TSPAN32: variants seen among roughly 807,000 people sequenced by gnomAD.
TSPAN32 encodes tetraspanin-32.
In TSPAN32, 47 loss-of-function variants were observed where a neutral mutation model predicts 42.7. The ratio of observed to expected loss-of-function variants is 1.10; its 90% CI spans 0.87 to 1.40. The LOEUF is 1.40. Among genes scored for constraint, TSPAN32 ranks in the 40% most tolerant of loss-of-function variants. TSPAN32 has a pLI of 0.00. For synonymous variants in TSPAN32, 175 were observed against 175.9 expected, an observed-to-expected ratio of 0.99 and a Z score of 0.04; for missense variants, 469 against 424.1, an observed-to-expected ratio of 1.11 and a Z score of -0.93.
chr11:2,308,243 G>A (rs959993985), intron 3 of TSPAN32, among the ~76,000 whole-genome samples: 3 of 152,102 alleles, frequency 2.0e-5, no homozygotes, highest in Non-Finnish European at 4.4e-5. Context: ...CAGCGCCCAC[G>A]CTCTCCCCAG....
Position 2,308,806 on chromosome 11 carries a change from C to G in TSPAN32, c.350C>G (p.Thr117Ser). The G allele has an allele frequency of 6.4e-7, 1 of 1,564,772 alleles. No homozygotes were observed. Residue 117 changes from threonine (T) to serine (S), a missense_variant, in exon 4 of 10, where the codon ACC (threonine) becomes AGC (serine). By Grantham distance (58) the Thr-to-Ser change is moderately conservative. Transcript: ENST00000182290. Reference protein sequence around the residue: ...QVVFWRLHSPTQVEDAMLDTY... With the variant: ...QVVFWRLHSPSQVEDAMLDTY... ...GTGTTCTGGAGACTCCACAGCCCCA[C>G]CCAGGTGAGCACCAGCTGCCCCTAC...
chr11:2,313,993 A>G lies in TSPAN32; in HGVS notation c.456+238A>G, dbSNP rs1848630837. On this transcript the variant is annotated intron_variant, in intron 5 of 9. Transcript: ENST00000182290. This position sits in a 1 kb window ranked among gnomAD's most constrained non-coding sequence, Gnocchi z 9.1. Reference sequence around the variant, plus strand: ...GCAAAACGAGAGGGCAGGGCCCTGTATTCAGAAACACTGAAGGATTTCAAG... The same window carrying G: ...GCAAAACGAGAGGGCAGGGCCCTGTGTTCAGAAACACTGAAGGATTTCAAG... 6.6e-6 allele frequency among the ~76,000 whole-genome samples: 1 copy of G among 152,060 alleles called. No homozygotes were observed. Among genetic ancestry groups the G allele is most frequent in the African/African-American group, 2.4e-5 (1 of 41,400 alleles).
chr11:2,312,630 G>A (rs2283146), intron 4 of TSPAN32, among the ~76,000 whole-genome samples: 21,132 of 152,214 alleles, frequency 0.14, 2,272 homozygotes, highest in East Asian at 0.55. Flanking sequence ...CCAGTTGGCC[G>A]CTGTCAGGGC....
At chr11:2,308,416 C>T (rs1328166976) in intron 3 of TSPAN32, among the ~76,000 whole-genome samples, 2 of 118,758 alleles carry the variant, frequency 1.7e-5, no homozygotes, top group Non-Finnish European at 3.6e-5. Flanking sequence ...CACCCCCCCA[C>T]AGTGACCGGC....
At chr11:2,309,190 G>C in intron 4 of TSPAN32, 1 of 392,400 alleles carries the variant, frequency 2.5e-6, no homozygotes, top group South Asian at 1.9e-5. Flanking sequence ...AGAAGGAGCA[G>C]AGTGTTCCAG....
intron 2 of TSPAN32, 126 bp downstream of exon 2, chr11:2,303,084 AG>A: frequency 1.3e-6 from 1 of 784,528 alleles, no homozygotes; most frequent in Non-Finnish European, 2.0e-6. Flanking sequence ...AGAGGTGGTC[AG>A]GGGCAGGGAG....
At position 2,313,612 on chromosome 11, in the gene TSPAN32, C is replaced by G. The variant is rs1469710194; in HGVS notation, c.355-42C>G. The G allele has an allele frequency of 6.6e-7, 1 of 1,515,690 alleles. No homozygotes were observed. Among genetic ancestry groups the G allele is most frequent in the Non-Finnish European group, 9.0e-7 (1 of 1,112,300 alleles). 93.9% of individuals were successfully genotyped at this position (1,515,690 alleles called of 1,614,324 possible). The stretch of plus-strand genomic sequence containing the variant: ...TGGGGAGGGGGCTGTGTCCCCGGAT[C>G]TCCCACCAGGGCCAGGACCTCCCTG... On this transcript the variant is annotated intron_variant, in intron 4 of 9. Transcript: ENST00000182290. This position sits in a 1 kb window ranked among gnomAD's most constrained non-coding sequence, Gnocchi z 9.1.
At chr11:2,311,339 G>A (rs534846383) in intron 4 of TSPAN32, among the ~76,000 whole-genome samples, 30 of 152,288 alleles carry the variant, frequency 2.0e-4, no homozygotes, top group African/African-American at 6.5e-4. Context: ...GGCGTGGACC[G>A]GGCTTCAGGG....
chr11:2,310,875 C>A (rs917650194), intron 4 of TSPAN32, among the ~76,000 whole-genome samples: 1 of 152,260 alleles, frequency 6.6e-6, no homozygotes, highest in Non-Finnish European at 1.5e-5. Flanking sequence ...GGGCCCTGAG[C>A]AGGAGGGGCG....
chr11:2,304,865 C>G lies in TSPAN32; in HGVS notation c.279+661C>G, dbSNP rs565602354. Among the ~76,000 whole-genome samples the G allele has an allele frequency of 6.6e-6, 1 of 152,154 alleles. No homozygotes were observed. ...ACCCCACCTGGCGGCAGCCTCCCCA[C>G]GCCTGTCCTGCCCCTGCTAGGCCCA... On this transcript the variant is annotated intron_variant, in intron 3 of 9. Coordinates refer to ENST00000182290, the MANE Select transcript of TSPAN32 (RefSeq NM_139022.3). This position sits in a 1 kb window ranked among gnomAD's most constrained non-coding sequence, Gnocchi z 4.8.
rs1764923735 is a variant in TSPAN32 at position 2,317,812 on chromosome 11, A to C, written c.902-51A>C. On this transcript the variant is annotated intron_variant, in intron 9 of 9. Transcript: ENST00000182290. The surrounding 1 kb of genome is among the most constrained non-coding windows in gnomAD (Gnocchi z 6.2). ...GCACTGGTTTTCTATGCTGCGTAAG[A>C]AGCAGCATGGATGTAAGGACTGCAA... is the stretch of plus-strand genomic sequence containing the variant. The C allele has an allele frequency of 1.2e-6, 2 of 1,605,906 alleles. No homozygotes were observed. The highest frequency in any genetic ancestry group is 2.2e-5 in the East Asian group (1 of 44,800).
chr11:2,317,768 C>T lies in TSPAN32; in HGVS notation c.902-95C>T, dbSNP rs1848891691. 6.4e-7 allele frequency: 1 copy of T among 1,554,176 alleles called. No individual in the cohort carries two copies. Among genetic ancestry groups the T allele is most frequent in the Non-Finnish European group, 8.6e-7 (1 of 1,157,158 alleles). ...CACTGGTGGCCCACGGCCTGGAGGGCTCCACCCAGACACAAGCTGCACTGG... is the reference window on the plus strand; with the variant it reads ...CACTGGTGGCCCACGGCCTGGAGGGTTCCACCCAGACACAAGCTGCACTGG... On this transcript the variant is annotated intron_variant, in intron 9 of 9. Coordinates refer to ENST00000182290, the MANE Select transcript of TSPAN32 (RefSeq NM_139022.3). The surrounding 1 kb of genome is among the most constrained non-coding windows in gnomAD (Gnocchi z 6.2).
chr11:2,312,435 C>T (rs745992862), intron 4 of TSPAN32, among the ~76,000 whole-genome samples: 46 of 152,322 alleles, frequency 3.0e-4, no homozygotes, highest in Admixed American at 2.0e-3. Flanking sequence ...CTGGGCACTG[C>T]GGGGAGGACA....
rs374327578 is a variant in TSPAN32, at chr11:2,316,616, T to C, written c.668T>C (p.Ile223Thr). Reference protein sequence around the residue: ...LLFSSFLWFAIRCGCSLDRKG... With the variant: ...LLFSSFLWFATRCGCSLDRKG... ...TTCAGCTCCTTCCTGTGGTTTGCCA[T>C]CCGCTGTGGCTGCAGCTTGGACCGC... The change falls in exon 8 of 10, where the codon ATC becomes ACC. Residue 223 changes from isoleucine (I) to threonine (T), a missense_variant. Coordinates refer to ENST00000182290, the MANE Select transcript of TSPAN32 (RefSeq NM_139022.3). The C allele has an allele frequency of 5.2e-6, 8 of 1,550,606 alleles. No individual in the cohort carries two copies. The highest frequency in any genetic ancestry group is 7.0e-6 in the Non-Finnish European group (8 of 1,146,394).
rs1848667566 is a variant in TSPAN32, at chr11:2,314,575, A to G, written c.543+4A>G. Reference sequence around the variant, plus strand: ...GGGAGAGGAGGCGGCGAGAGAGGTGAGGGGGGGACCTGGATGCTGGCCAGG... The same window carrying G: ...GGGAGAGGAGGCGGCGAGAGAGGTGGGGGGGGGACCTGGATGCTGGCCAGG... On this transcript the variant is annotated splice_donor_region_variant and intron_variant, in intron 6 of 9. Coordinates refer to ENST00000182290, the MANE Select transcript of TSPAN32 (RefSeq NM_139022.3). The G allele has an allele frequency of 6.2e-7, 1 of 1,603,706 alleles. No homozygotes were observed. The highest frequency in any genetic ancestry group is 8.5e-7 in the Non-Finnish European group (1 of 1,175,240).
chr11:2,306,007 A>T (rs1222499526), intron 3 of TSPAN32, among the ~76,000 whole-genome samples: 2 of 145,730 alleles, frequency 1.4e-5, no homozygotes, highest in Non-Finnish European at 3.0e-5. Context: ...CATGTGCATG[A>T]GTGTGTGTGT....
rs2133388963 is a variant in TSPAN32 at position 2,317,374 on chromosome 11, C to A, written c.750C>A (p.Ser250Arg). 6.3e-7 allele frequency: 1 copy of A among 1,597,268 alleles called. No homozygotes were observed. The highest frequency in any genetic ancestry group is 8.5e-7 in the Non-Finnish European group (1 of 1,171,922). Residue 250 changes from serine (S) to arginine (R), a missense_variant, in exon 9 of 10, where the codon AGC (serine) becomes AGA (arginine). Coordinates refer to ENST00000182290, the MANE Select transcript of TSPAN32 (RefSeq NM_139022.3). This position sits in a 1 kb window ranked among gnomAD's most constrained non-coding sequence, Gnocchi z 6.2. ...RACGRQPQEP[S>R]LLRCSQGGPT... ...GTGGCCGCCAGCCCCAGGAGCCCAG[C>A]CTCTTGAGATGCTCCCAGGGTGGAC...
Position 2,302,936 on chromosome 11 carries a change from G to A in TSPAN32, c.159G>A (p.Pro53=), listed in dbSNP as rs1307606838. The part of the protein sequence containing the change: ...VIRRASLEKN[P]YQAVHQWAFS... ...GCCGAGCGTCCCTGGAGAAGAACCC[G>A]TACCAGGCTGTGCACCAATGGGGTA... Residue 53 remains proline, a synonymous_variant, in exon 2 of 10, where the codon CCG becomes CCA. Coordinates refer to ENST00000182290, the MANE Select transcript of TSPAN32 (RefSeq NM_139022.3). The A allele has an allele frequency of 1.9e-5, 31 of 1,613,454 alleles. No homozygotes were observed. Among genetic ancestry groups the A allele is most frequent in the South Asian group, 4.4e-5 (4 of 91,084 alleles).
At position 2,304,706 on chromosome 11, in the gene TSPAN32, G is replaced by A. The variant is rs745396028; in HGVS notation, c.279+502G>A. Reference sequence around the variant, plus strand: ...CTGCACACTCTCCTTCCCAGCTGCCGGAGGTGTCTCCCCAGCCCCGAGGTC... The same window carrying A: ...CTGCACACTCTCCTTCCCAGCTGCCAGAGGTGTCTCCCCAGCCCCGAGGTC... On this transcript the variant is annotated intron_variant, in intron 3 of 9. Transcript: ENST00000182290. This position sits in a 1 kb window ranked among gnomAD's most constrained non-coding sequence, Gnocchi z 4.8. 4.6e-5 allele frequency among the ~76,000 whole-genome samples: 7 copies of A among 152,020 alleles called. No individual in the cohort carries two copies. Among genetic ancestry groups the A allele is most frequent in the Non-Finnish European group, 8.8e-5 (6 of 68,000 alleles).
Sources: allele counts gnomAD v4.1 joint callset (sites outside exome capture counted in the v4.1 genomes callset), GRCh38; gene constraint gnomAD v4.1.1; non-coding constraint Gnocchi (gnomAD v3.1); transcripts MANE v1.5; gene names NCBI Gene and HGNC (gene_info 2026-07-23, HGNC 2026-07-21).